Variants in SPTBN1 observed in about 807,000 individuals in gnomAD.
The protein encoded by SPTBN1 is spectrin beta, non-erythrocytic 1, also known as spectrin beta chain, non-erythrocytic 1.
A neutral mutation model predicts 266.4 loss-of-function variants in SPTBN1; 32 were observed. That is an observed-to-expected ratio of 0.12 (90% CI 0.09 to 0.16). The LOEUF is 0.16. Among genes scored for constraint, SPTBN1 ranks in the 10% least tolerant of loss-of-function variants. SPTBN1 has a pLI of 1.00. For missense variants in SPTBN1, 2,296 were observed against 3,067.1 expected (o/e 0.75, Z 5.94); for synonymous variants, 1,336 against 1,162.2 (o/e 1.15, Z -3.04).
intron 1 of SPTBN1, among the ~76,000 whole-genome samples, chr2:54,487,195 C>CT (rs869232687): frequency 1.7e-3 from 81 of 46,666 alleles, no homozygotes; most frequent in African/African-American, 7.3e-3. Flanking sequence ...TTTTTTGCTG[C>CT]TTTTTAACTT....
At chr2:54,483,809 A>G (rs1558766139) in intron 1 of SPTBN1, among the ~76,000 whole-genome samples, 1 of 152,180 alleles carries the variant, frequency 6.6e-6, no homozygotes, top group Non-Finnish European at 1.5e-5. Context: ...CTGTTAAACC[A>G]GGGTGAAGTT....
intron 1 of SPTBN1, among the ~76,000 whole-genome samples, chr2:54,470,057 TA>T (rs1408614812): frequency 6.6e-6 from 1 of 152,260 alleles, no homozygotes; most frequent in Non-Finnish European, 1.5e-5. Context: ...GTTTCCCTGA[TA>T]ATCAGGATGA....
intron 1 of SPTBN1, among the ~76,000 whole-genome samples, chr2:54,523,263 G>T (rs991155582): frequency 6.6e-6 from 1 of 152,172 alleles, no homozygotes; most frequent in African/African-American, 2.4e-5. Context: ...AATTGCTAAC[G>T]TAGGTGTGAA....
At chr2:54,549,485 C>T (rs1369782162) in intron 2 of SPTBN1, among the ~76,000 whole-genome samples, 1 of 152,082 alleles carries the variant, frequency 6.6e-6, no homozygotes, top group Admixed American at 6.6e-5. Flanking sequence ...ATTGGAAAAG[C>T]CAAGTGAATG....
At chr2:54,562,384 A>G (rs1443100004) in intron 2 of SPTBN1, among the ~76,000 whole-genome samples, 2 of 152,068 alleles carry the variant, frequency 1.3e-5, no homozygotes, top group African/African-American at 4.8e-5. Flanking sequence ...CTTACTTCTT[A>G]TTCTAATATA....
Position 54,653,600 on chromosome 2 carries a change from G to A in SPTBN1, c.5578-9G>A. On this transcript the variant is annotated splice_polypyrimidine_tract_variant and intron_variant, in intron 26 of 35. Transcript: ENST00000356805. This position sits in a 1 kb window ranked among gnomAD's most constrained non-coding sequence, Gnocchi z 5.1. ...GCTGACCTGGCTCATCCCCTACATG[G>A]CTTCACAGGTGAGGCAGCTGCAGGA... 1 of 1,612,842 alleles carries A rather than the reference G, an allele frequency of 6.2e-7. No homozygotes were observed. Among genetic ancestry groups the A allele is most frequent in the Non-Finnish European group, 8.5e-7 (1 of 1,179,704 alleles).
At chr2:54,485,493 C>G (rs1668314719) in intron 1 of SPTBN1, among the ~76,000 whole-genome samples, 1 of 152,228 alleles carries the variant, frequency 6.6e-6, no homozygotes, top group African/African-American at 2.4e-5. Flanking sequence ...TCACTCAGTG[C>G]TCAATGGTGC....
intron 1 of SPTBN1, among the ~76,000 whole-genome samples, chr2:54,477,081 G>C (rs925842664): frequency 6.6e-6 from 1 of 151,880 alleles, no homozygotes; most frequent in Non-Finnish European, 1.5e-5. Context: ...AAGTTTTCTA[G>C]AAGTTTTGAA....
intron 3 of SPTBN1, among the ~76,000 whole-genome samples, chr2:54,599,511 C>G (rs1469767431): frequency 3.3e-5 from 5 of 152,178 alleles, no homozygotes; most frequent in African/African-American, 1.2e-4. Flanking sequence ...GGGTTCCTGC[C>G]AAGAACAGGG....
chr2:54,625,045 G>A (rs1192566947), intron 11 of SPTBN1, 83 bp downstream of exon 11: 2 of 1,458,294 alleles, frequency 1.4e-6, no homozygotes, highest in African/African-American at 2.9e-5. Context: ...AGGGCCAGAG[G>A]ACAGCTGCTT....
Position 54,653,730 on chromosome 2 carries a change from G to C in SPTBN1, c.5699G>C (p.Cys1900Ser), listed in dbSNP as rs1680459598. 1 of 1,614,118 alleles carries C rather than the reference G, an allele frequency of 6.2e-7. No individual in the cohort carries two copies. The highest frequency in any genetic ancestry group is 8.5e-7 in the Non-Finnish European group (1 of 1,180,028). Residue 1900 changes from cysteine (C) to serine (S), a missense_variant, in exon 27 of 36, where the codon TGT becomes TCT. Physicochemically the swap from Cys to Ser is moderately radical, Grantham distance 112. This residue lies in a region of SPTBN1 where 644 missense variants were observed against 745.3 expected (regional missense o/e 0.86). Transcript: ENST00000356805. The surrounding 1 kb of genome is among the most constrained non-coding windows in gnomAD (Gnocchi z 5.1). ...GCCTGGAAGTCCCTCCTGGACGCCT[G>C]TGAGAGCCGCAGGGTGCGGCTGGTG... ...LEAWKSLLDA[C>S]ESRRVRLVDT...
chr2:54,530,752 T>A (rs1042887811), intron 2 of SPTBN1, among the ~76,000 whole-genome samples: 2 of 152,212 alleles, frequency 1.3e-5, no homozygotes, highest in Non-Finnish European at 2.9e-5. Context: ...ATAAGAAATA[T>A]ATTTGGTCTT....
chr2:54,609,268 T>TG (rs1263700445), intron 3 of SPTBN1, among the ~76,000 whole-genome samples: 1 of 152,250 alleles, frequency 6.6e-6, no homozygotes, highest in Non-Finnish European at 1.5e-5. Flanking sequence ...ATTCTTCTGA[T>TG]GTGGTGTCTG....
At chr2:54,487,579 T>C (rs1193194589) in intron 1 of SPTBN1, among the ~76,000 whole-genome samples, 3 of 152,186 alleles carry the variant, frequency 2.0e-5, no homozygotes, top group Non-Finnish European at 4.4e-5. Flanking sequence ...TGCATACTTT[T>C]CCTTCACAAT....
rs763602996 is a variant in SPTBN1, at chr2:54,647,203, A to G, written c.4939A>G (p.Thr1647Ala). ...LEQAVEDYAE[T>A]VHQLSKTSRA... ...ACAAGCTGTGGAGGACTATGCAGAG[A>G]CCGTGCATCAGCTCTCCAAGACCAG... Residue 1647 changes from threonine to alanine, a missense_variant, in exon 24 of 36, where the codon ACC (threonine) becomes GCC (alanine). Around this residue, in one of 12 missense-constraint regions of SPTBN1, gnomAD observed 644 missense variants for 745.3 expected, o/e 0.86. Coordinates refer to ENST00000356805, the MANE Select transcript of SPTBN1 (RefSeq NM_003128.3). 26 of 1,614,014 alleles carry G rather than the reference A, an allele frequency of 1.6e-5. No homozygotes were observed. The highest frequency in any genetic ancestry group is 2.1e-5 in the Non-Finnish European group (25 of 1,180,038).
chr2:54,625,610 G>C (rs896977572), intron 11 of SPTBN1, among the ~76,000 whole-genome samples: 1 of 152,122 alleles, frequency 6.6e-6, no homozygotes, highest in Non-Finnish European at 1.5e-5. Flanking sequence ...TTGTTTTTGA[G>C]GCAGAGTTTC....
rs879017663 is a variant in SPTBN1 at position 54,631,540 on chromosome 2, C to T, written c.3493C>T (p.Leu1165=). The change falls in exon 16 of 36, where the codon CTA becomes TTA. Residue 1165 remains leucine (L), a synonymous_variant. Coordinates refer to ENST00000356805, the MANE Select transcript of SPTBN1 (RefSeq NM_003128.3). The part of the protein sequence containing the change: ...HKMWENRQNL[L]SQSHAYQQFL... ...GATGTGGGAGAACAGACAAAATCTC[C>T]TATCCCAGTCACATGCCTACCAGCA... 2 of 1,614,086 alleles carry T rather than the reference C, an allele frequency of 1.2e-6. No individual in the cohort carries two copies. The highest frequency in any genetic ancestry group is 1.7e-6 in the Non-Finnish European group (2 of 1,180,048).
chr2:54,579,683 A>G (rs1674744566), intron 2 of SPTBN1, among the ~76,000 whole-genome samples: 1 of 152,226 alleles, frequency 6.6e-6, no homozygotes, highest in African/African-American at 2.4e-5. Context: ...AAGTCCCGAG[A>G]ACTCCTGTTG....
chr2:54,462,777 G>C (rs1693430667), intron 1 of SPTBN1, among the ~76,000 whole-genome samples: 1 of 152,190 alleles, frequency 6.6e-6, no homozygotes, highest in Admixed American at 6.5e-5. Flanking sequence ...TTTATAAAAT[G>C]GAAGACTTAG....
Sources: gnomAD v4.1 joint callset for allele counts (sites outside exome capture counted in the v4.1 genomes callset) on GRCh38, gnomAD v4.1.1 for gene constraint, gnomAD v4.1.1 regional missense constraint, Gnocchi (gnomAD v3.1) non-coding constraint, MANE v1.5 for transcripts, NCBI Gene and HGNC (gene_info 2026-07-23, HGNC 2026-07-21) for gene names.